VSX2: variants seen among roughly 807,000 people sequenced by gnomAD.
The protein encoded by VSX2 is ceh-10 homeo domain containing homolog.
VSX2 carries 28 observed loss-of-function variants against 32.1 expected under a neutral mutation model. That is an observed-to-expected ratio of 0.87 (90% CI 0.65 to 1.20). The LOEUF (loss-of-function observed/expected upper bound fraction) is 1.20, where lower values mean the gene tolerates loss of function less well. Ranked by LOEUF, VSX2 falls within the 50% of genes most tolerant of loss-of-function variation. The pLI, the probability that VSX2 is intolerant of heterozygous loss-of-function variation, is 0.00. For synonymous variants in VSX2, 243 were observed against 214.1 expected, an observed-to-expected ratio of 1.14 and a Z score of -1.18; for missense variants, 506 against 488.7, an observed-to-expected ratio of 1.04 and a Z score of -0.33.
chr14:74,256,952 G>A (rs530227777), intron 3 of VSX2, among the ~76,000 whole-genome samples: 52 of 152,054 alleles, frequency 3.4e-4, no homozygotes, highest in South Asian at 1.9e-3. Flanking sequence ...GGGATTACAG[G>A]CATGAGCCAC....
At chr14:74,257,676 G>T (rs922552775) in intron 3 of VSX2, among the ~76,000 whole-genome samples, 2 of 151,574 alleles carry the variant, frequency 1.3e-5, no homozygotes, top group South Asian at 2.1e-4. Context: ...GCCACCTGAC[G>T]GCAACGGCGG....
chr14:74,239,464 A>T lies in VSX2; in HGVS notation c.-98A>T. 6.6e-7 allele frequency: 1 copy of T among 1,509,286 alleles called. No homozygotes were observed. Among genetic ancestry groups the T allele is most frequent in the South Asian group, 1.2e-5 (1 of 82,590 alleles). 93.5% of individuals were successfully genotyped at this position (1,509,286 alleles called of 1,614,324 possible). On this transcript the variant is annotated 5_prime_UTR_variant, in exon 1 of 5. Coordinates refer to ENST00000261980, the MANE Select transcript of VSX2 (RefSeq NM_182894.3). ...TGGGCTCCAGAGCATTAGACACCGG[A>T]GGGGGCACCTGGGACCAACTTCGCG...
At chr14:74,242,176 GGGTGCTGCTCGCA>G (rs936008204) in intron 2 of VSX2, among the ~76,000 whole-genome samples, 2 of 151,614 alleles carry the variant, frequency 1.3e-5, no homozygotes, top group African/African-American at 4.9e-5. Context: ...GCCTTTCTGC[GGGTGCTGCTCGCA>G]GGTGCTGCCC....
At chr14:74,246,702 G>A (rs1419748424) in intron 3 of VSX2, among the ~76,000 whole-genome samples, 4 of 152,178 alleles carry the variant, frequency 2.6e-5, no homozygotes, top group Non-Finnish European at 2.9e-5. Context: ...ATTCCAGGTG[G>A]CTGCGGCAGG....
chr14:74,252,787 C>A (rs1413552710), intron 3 of VSX2, among the ~76,000 whole-genome samples: 1 of 151,988 alleles, frequency 6.6e-6, no homozygotes, highest in Non-Finnish European at 1.5e-5. Context: ...GTGGCTCACA[C>A]CTGTAATCCC....
chr14:74,260,010 G>A (rs1308803681), intron 4 of VSX2, among the ~76,000 whole-genome samples: 4 of 152,182 alleles, frequency 2.6e-5, no homozygotes, highest in African/African-American at 4.8e-5. Flanking sequence ...CATCATGAAC[G>A]AGTCCCTAAC....
chr14:74,247,640 C>G (rs929049345), intron 3 of VSX2, among the ~76,000 whole-genome samples: 1 of 152,154 alleles, frequency 6.6e-6, no homozygotes, highest in East Asian at 1.9e-4. Context: ...AAGACTCAAA[C>G]CTAACTCTGA....
At chr14:74,249,501 C>A (rs748511177) in intron 3 of VSX2, among the ~76,000 whole-genome samples, 3 of 152,160 alleles carry the variant, frequency 2.0e-5, no homozygotes, top group African/African-American at 4.8e-5. Context: ...AACTCCTGAC[C>A]TCAAATGATG....
intron 3 of VSX2, among the ~76,000 whole-genome samples, chr14:74,253,575 C>T (rs904887219): frequency 6.6e-6 from 1 of 152,200 alleles, no homozygotes; most frequent in African/African-American, 2.4e-5. Flanking sequence ...TAATTTCCAC[C>T]AGAAACCTGC....
At chr14:74,255,577 G>A (rs1272541696) in intron 3 of VSX2, among the ~76,000 whole-genome samples, 1 of 152,164 alleles carries the variant, frequency 6.6e-6, no homozygotes, top group Non-Finnish European at 1.5e-5. Flanking sequence ...GGAGACCCAG[G>A]AAAATAGTTC....
Position 74,262,676 on chromosome 14 carries a change from A to T in VSX2, c.*1757A>T, listed in dbSNP as rs886050745. 9 of 152,238 alleles carry T rather than the reference A, an allele frequency of 5.9e-5. No individual in the cohort carries two copies. Among genetic ancestry groups the T allele is most frequent in the Non-Finnish European group, 7.3e-5 (5 of 68,038 alleles). The allele number at this position is 152,238 out of a possible 1,614,324, so 9.4% of individuals were successfully genotyped here. ...CTGTAATAACTTCTAGGTATTCGAA[A>T]CCTGTGATTTCTGTGCCATTTTCTG... On this transcript the variant is annotated 3_prime_UTR_variant, in exon 5 of 5. Coordinates refer to ENST00000261980, the MANE Select transcript of VSX2 (RefSeq NM_182894.3).
chr14:74,261,048 C>T lies in VSX2; in HGVS notation c.*129C>T. Reference sequence around the variant, plus strand: ...ATCCTCCCTGTTCCCCACAGGTCCTCCATCACCCCTGGTGGCTGCAGGCAC... The same window carrying T: ...ATCCTCCCTGTTCCCCACAGGTCCTTCATCACCCCTGGTGGCTGCAGGCAC... On this transcript the variant is annotated 3_prime_UTR_variant, in exon 5 of 5. Transcript: ENST00000261980. 1 of 1,125,466 alleles carries T rather than the reference C, an allele frequency of 8.9e-7. No homozygotes were observed. The highest frequency in any genetic ancestry group is 1.3e-6 in the Non-Finnish European group (1 of 785,022). 69.7% of individuals were successfully genotyped at this position (1,125,466 alleles called of 1,614,324 possible).
rs2139647239 is a variant in VSX2 at position 74,261,496 on chromosome 14, G to A, written c.*577G>A. The A allele has an allele frequency of 6.5e-6, 1 of 153,554 alleles. No homozygotes were observed. Among genetic ancestry groups the A allele is most frequent in the East Asian group, 1.9e-4 (1 of 5,180 alleles). The allele number at this position is 153,554 out of a possible 1,614,324, so 9.5% of individuals were successfully genotyped here. ...CACTGTGCAGGCCCAGGCAGGCCCA[G>A]CCTCTGCCCCACCCATCAGTGGAGT... On this transcript the variant is annotated 3_prime_UTR_variant, in exon 5 of 5. Transcript: ENST00000261980.
At chr14:74,259,355 C>T (rs1303815689) in intron 3 of VSX2, among the ~76,000 whole-genome samples, 1 of 152,102 alleles carries the variant, frequency 6.6e-6, no homozygotes, top group Non-Finnish European at 1.5e-5. Flanking sequence ...TGCGCACCTG[C>T]AAGACCCTGT....
chr14:74,248,961 A>C (rs954108708), intron 3 of VSX2, among the ~76,000 whole-genome samples: 1 of 152,174 alleles, frequency 6.6e-6, no homozygotes, highest in Non-Finnish European at 1.5e-5. Context: ...GGTTAAGTTT[A>C]ACAGGCCCAG....
At chr14:74,240,016 G>C in intron 1 of VSX2, 85 bp downstream of exon 1, 1 of 1,503,290 alleles carries the variant, frequency 6.7e-7, no homozygotes, top group East Asian at 2.5e-5. Context: ...TGCTGGACCA[G>C]GCCTCCAGGC....
intron 3 of VSX2, among the ~76,000 whole-genome samples, chr14:74,251,923 A>C (rs983304528): frequency 6.6e-6 from 1 of 152,212 alleles, no homozygotes; most frequent in Non-Finnish European, 1.5e-5. Context: ...CGCTCACCTG[A>C]TGGCATGTGG....
At chr14:74,240,443 C>T (rs907927785) in intron 1 of VSX2, among the ~76,000 whole-genome samples, 1 of 152,140 alleles carries the variant, frequency 6.6e-6, no homozygotes, top group African/African-American at 2.4e-5. Flanking sequence ...GACAACCCGG[C>T]CATCGCGGCA....
chr14:74,245,406 C>T (rs2079186118), intron 3 of VSX2, 118 bp downstream of exon 3: 6 of 1,408,908 alleles, frequency 4.3e-6, no homozygotes, highest in African/African-American at 2.8e-5. Context: ...ATGTGCTTGC[C>T]TATGATCATG....
Sources: allele counts gnomAD v4.1 joint callset (sites outside exome capture counted in the v4.1 genomes callset), GRCh38; gene constraint gnomAD v4.1.1; transcripts MANE v1.5; gene names NCBI Gene and HGNC (gene_info 2026-07-23, HGNC 2026-07-21).